HTR2C: variants seen among roughly 807,000 people sequenced by gnomAD.
The protein encoded by HTR2C is 5-hydroxytryptamine receptor 2C, also known as 5-hydroxytryptamine (serotonin) receptor 2C, G protein-coupled.
In HTR2C, 5 loss-of-function variants were observed where a neutral mutation model predicts 21.0. That is an observed-to-expected ratio of 0.24 (90% confidence interval 0.12 to 0.50). The LOEUF is 0.50. HTR2C is among the 20% of genes least tolerant of loss of function. The probability of loss-of-function intolerance (pLI) is 0.98; values close to 1 mark genes in which losing one functional copy is unlikely to be tolerated. For synonymous variants in HTR2C, 150 were observed against 145.3 expected, an observed-to-expected ratio of 1.03 and a Z score of -0.23; for missense variants, 271 against 371.2, an observed-to-expected ratio of 0.73 and a Z score of 2.22.
At chrX:114,843,196 G>A (rs1235587230) in intron 4 of HTR2C, among the ~76,000 whole-genome samples, 3 of 112,016 alleles carry the variant, frequency 2.7e-5, no homozygotes, top group Non-Finnish European at 5.6e-5. Flanking sequence ...TGTACTCAAA[G>A]AGCTGAAGGA....
At chrX:114,679,146 A>G (rs1397150781) in intron 2 of HTR2C, among the ~76,000 whole-genome samples, 14 of 111,391 alleles carry the variant, frequency 1.3e-4, no homozygotes, top group Non-Finnish European at 2.3e-4. Context: ...CAGGGGCCTG[A>G]TTATTTTCCT....
At chrX:114,802,152 C>T (rs1355531734) in intron 4 of HTR2C, among the ~76,000 whole-genome samples, 4 of 110,397 alleles carry the variant, frequency 3.6e-5, no homozygotes, top group African/African-American at 1.3e-4. Context: ...ATTGAGGCAC[C>T]GTAATTTTGG....
At chrX:114,614,804 C>A (rs1928889899) in intron 2 of HTR2C, among the ~76,000 whole-genome samples, 1 of 111,497 alleles carries the variant, frequency 9.0e-6, no homozygotes, top group African/African-American at 3.3e-5. Context: ...ATGTCTAGAG[C>A]ATGATTATTT....
chrX:114,797,113 G>T (rs1452836550), intron 4 of HTR2C, among the ~76,000 whole-genome samples: 1 of 111,518 alleles, frequency 9.0e-6, no homozygotes, highest in Non-Finnish European at 1.9e-5. Context: ...GCAGTAATTT[G>T]TCTTGAAAGA....
chrX:114,665,620 G>T, intron 2 of HTR2C, among the ~76,000 whole-genome samples: 1 of 111,991 alleles, frequency 8.9e-6, no homozygotes, highest in Non-Finnish European at 1.9e-5. Flanking sequence ...GTAAGCTAGG[G>T]AAAAGAAAAT....
At chrX:114,875,752 C>A in intron 5 of HTR2C, among the ~76,000 whole-genome samples, 1 of 110,327 alleles carries the variant, frequency 9.1e-6, no homozygotes, top group East Asian at 2.8e-4. Flanking sequence ...GTTCCATTGG[C>A]CTATGTGTCT....
chrX:114,605,160 G>A (rs1928350719), intron 1 of HTR2C, among the ~76,000 whole-genome samples: 1 of 112,067 alleles, frequency 8.9e-6, no homozygotes, highest in African/African-American at 3.3e-5. Flanking sequence ...AAAGAAAAAG[G>A]AGCATTAACC....
intron 2 of HTR2C, among the ~76,000 whole-genome samples, chrX:114,638,201 C>T (rs1219407692): frequency 9.0e-6 from 1 of 111,593 alleles, no homozygotes; most frequent in Non-Finnish European, 1.9e-5. Flanking sequence ...CTACTCATGC[C>T]CCAAACAATG....
At chrX:114,641,950 G>A (rs782326827) in intron 2 of HTR2C, among the ~76,000 whole-genome samples, 2 of 110,971 alleles carry the variant, frequency 1.8e-5, no homozygotes, top group South Asian at 7.6e-4. Flanking sequence ...CTGTGTCCAC[G>A]TTTTCTCACT....
chrX:114,797,850 C>A (rs1466566379), intron 4 of HTR2C, among the ~76,000 whole-genome samples: 1 of 111,646 alleles, frequency 9.0e-6, no homozygotes, highest in Non-Finnish European at 1.9e-5. Flanking sequence ...ACTGAACGAT[C>A]AGCAATTAGG....
At chrX:114,875,183 A>T (rs2071123903) in intron 5 of HTR2C, among the ~76,000 whole-genome samples, 1 of 110,963 alleles carries the variant, frequency 9.0e-6, no homozygotes, top group African/African-American at 3.3e-5. Context: ...CATTAATTTC[A>T]TTCATGAGGG....
chrX:114,724,593 G>A (rs1205049933), intron 2 of HTR2C, among the ~76,000 whole-genome samples: 1 of 86,407 alleles, frequency 1.2e-5, no homozygotes, highest in African/African-American at 4.0e-5. Flanking sequence ...ATTAGTTGAT[G>A]CAGTTTCTTC....
At chrX:114,885,800 A>G (rs2071215883) in intron 5 of HTR2C, among the ~76,000 whole-genome samples, 2 of 111,683 alleles carry the variant, frequency 1.8e-5, no homozygotes, top group Non-Finnish European at 3.8e-5. Flanking sequence ...ATTTTATGTG[A>G]CAAATATATT....
At chrX:114,710,032 G>A (rs1233113513) in intron 2 of HTR2C, among the ~76,000 whole-genome samples, 1 of 111,912 alleles carries the variant, frequency 8.9e-6, no homozygotes, top group Non-Finnish European at 1.9e-5. Flanking sequence ...TGGAAAAGAA[G>A]CAGGAGACTG....
intron 4 of HTR2C, among the ~76,000 whole-genome samples, chrX:114,819,236 C>T (rs1160668738): frequency 1.8e-5 from 2 of 111,862 alleles, no homozygotes; most frequent in African/African-American, 6.5e-5. Context: ...AAACCCATTT[C>T]AATATTGTTC....
chrX:114,761,728 A>G (rs1485345619), intron 4 of HTR2C, among the ~76,000 whole-genome samples: 1 of 108,951 alleles, frequency 9.2e-6, no homozygotes, highest in Admixed American at 1.0e-4. Flanking sequence ...GCACAGGCCT[A>G]TAAAACTCCA....
At chrX:114,743,702 T>C (rs994931766) in intron 4 of HTR2C, among the ~76,000 whole-genome samples, 2 of 111,051 alleles carry the variant, frequency 1.8e-5, no homozygotes, top group African/African-American at 3.3e-5. Flanking sequence ...GAAAGAAAAT[T>C]TGAACAAAAA....
intron 2 of HTR2C, among the ~76,000 whole-genome samples, chrX:114,709,394 G>A (rs1253699631): frequency 9.0e-6 from 1 of 111,671 alleles, no homozygotes; most frequent in African/African-American, 3.3e-5. Flanking sequence ...TGTACTACTT[G>A]TTTGAATAAA....
intron 2 of HTR2C, among the ~76,000 whole-genome samples, chrX:114,664,426 G>A (rs1931103552): frequency 9.0e-6 from 1 of 111,463 alleles, no homozygotes; most frequent in Non-Finnish European, 1.9e-5. Context: ...GTGTCCATGT[G>A]TTCTCATCTT....
Sources: allele counts gnomAD v4.1 joint callset (sites outside exome capture counted in the v4.1 genomes callset), GRCh38; gene constraint gnomAD v4.1.1; transcripts MANE v1.5; gene names NCBI Gene and HGNC (gene_info 2026-07-23, HGNC 2026-07-21).